H2BC12: variants seen among roughly 807,000 people sequenced by gnomAD.
H2BC12 encodes the protein histone H2B type 1-K.
H2BC12 carries 6 observed loss-of-function variants against 6.3 expected under a neutral mutation model. The ratio of observed to expected loss-of-function variants is 0.95; its 90% confidence interval spans 0.52 to 1.87. The LOEUF is 1.87. Among genes scored for constraint, H2BC12 ranks in the 40% most tolerant of loss-of-function variants. The probability of loss-of-function intolerance (pLI) is 0.01; values close to 1 mark genes in which losing one functional copy is unlikely to be tolerated. For missense variants in H2BC12, 119 were observed against 178.4 expected (o/e 0.67, Z 1.90); for synonymous variants, 132 against 78.5 (o/e 1.68, Z -3.60).
At chr6:27,143,345 G>A (rs1309766749), downstream of H2BC12, among the ~76,000 whole-genome samples, 1 of 149,530 alleles carries the variant, frequency 6.7e-6, no homozygotes, top group Non-Finnish European at 1.5e-5. Flanking sequence ...GAGTAAGACT[G>A]TCTCAAAAAA....
chr6:27,140,291 T>C, the H2BC12 span, among the ~76,000 whole-genome samples: 1 of 152,248 alleles, frequency 6.6e-6, no homozygotes, highest in East Asian at 1.9e-4. Flanking sequence ...CCCTTTTTCC[T>C]ATCTAGAATT....
chr6:27,138,736 T>G, the H2BC12 span: 1 of 152,176 alleles, frequency 6.6e-6, no homozygotes, highest in Admixed American at 6.5e-5. Context: ...ATTCTTAGAC[T>G]TGTTTCTGAG....
Position 27,146,823 on chromosome 6 carries a change from G to A in H2BC12, c.-25C>T, listed in dbSNP as rs376697914. 236 of 1,609,218 alleles carry A rather than the reference G, an allele frequency of 1.5e-4. No homozygotes were observed. The African/African-American group carries it at 2.6e-3, about 18-fold the overall frequency. Reference sequence around the variant, plus strand: ...TGTTGAAGGCGAACTACGAGCCTGAGACGAGCAGCAGATCGAGAAAACGGG... The same window carrying A: ...TGTTGAAGGCGAACTACGAGCCTGAAACGAGCAGCAGATCGAGAAAACGGG... On this transcript the variant is annotated 5_prime_UTR_variant, in exon 1 of 1. Transcript: ENST00000356950.
chr6:27,140,885 TTC>T, the H2BC12 span, among the ~76,000 whole-genome samples: 9 of 151,462 alleles, frequency 5.9e-5, no homozygotes, highest in African/African-American at 1.9e-4. Context: ...GACAAATATA[TTC>T]TGTCACCTTG....
At chr6:27,140,652 T>G in the H2BC12 span, among the ~76,000 whole-genome samples, 48 of 151,900 alleles carry the variant, frequency 3.2e-4, no homozygotes, top group Admixed American at 1.1e-3. Context: ...GGTAGTATTT[T>G]AAATTTATAC....
downstream of H2BC12, among the ~76,000 whole-genome samples, chr6:27,142,977 TG>T (rs1483779198): frequency 1.3e-5 from 2 of 151,848 alleles, no homozygotes. Flanking sequence ...AGTAACAAAC[TG>T]GCTTTCAGAC....
the H2BC12 span, chr6:27,139,432 G>A: frequency 1.2e-6 from 2 of 1,614,216 alleles, no homozygotes; most frequent in Admixed American, 1.7e-5. Flanking sequence ...TGCTCGCCGC[G>A]GCGGCGTGAA....
downstream of H2BC12, among the ~76,000 whole-genome samples, chr6:27,145,423 T>C (rs1285864916): frequency 2.0e-5 from 3 of 152,148 alleles, no homozygotes; most frequent in Non-Finnish European, 4.4e-5. Context: ...GGACTCTTTC[T>C]TTCACTTGGT....
chr6:27,139,678 TTCAACAA>T, the H2BC12 span: 1 of 1,536,688 alleles, frequency 6.5e-7, no homozygotes, highest in Non-Finnish European at 8.7e-7. Context: ...CCCCTAAGCT[TTCAACAA>T]AAGAGTTGAA....
At position 27,146,371 on chromosome 6, in the gene H2BC12, T is replaced by TA; in HGVS notation, c.*46_*47insT. On this transcript the variant is annotated 3_prime_UTR_variant, in exon 1 of 1. Coordinates refer to ENST00000356950, the MANE Select transcript of H2BC12 (RefSeq NM_001312653.2). ...CTAATATCGATAATTTAAGTGGCTCTTAAAAGAGCCTTTGGGGTTGGGCTT... is the reference window on the plus strand; with the variant it reads ...CTAATATCGATAATTTAAGTGGCTCTATAAAAGAGCCTTTGGGGTTGGGCTT... 6.2e-7 allele frequency: 1 copy of TA among 1,612,040 alleles called. No individual in the cohort carries two copies.
At chr6:27,142,359 G>A (rs946732403), downstream of H2BC12, among the ~76,000 whole-genome samples, 1 of 150,506 alleles carries the variant, frequency 6.6e-6, no homozygotes, top group East Asian at 2.0e-4. Flanking sequence ...TGCAACCTCC[G>A]CCTCCCGGGT....
At chr6:27,144,460 TGGGGGG>T (rs59570458), downstream of H2BC12, among the ~76,000 whole-genome samples, 2 of 17,622 alleles carry the variant, frequency 1.1e-4, no homozygotes, top group African/African-American at 3.9e-4. Flanking sequence ...AGACTCTGTC[TGGGGGG>T]GGGGGGGGGG....
At chr6:27,141,813 CGTA>C (rs1304546133), downstream of H2BC12, among the ~76,000 whole-genome samples, 3 of 152,082 alleles carry the variant, frequency 2.0e-5, no homozygotes, top group South Asian at 2.1e-4. Context: ...TAGGAAAAAC[CGTA>C]GTAGGTGGTG....
At chr6:27,139,139 A>G in the H2BC12 span, 1 of 641,254 alleles carries the variant, frequency 1.6e-6, no homozygotes, top group Non-Finnish European at 2.6e-6. Context: ...CTGAAGGAGA[A>G]CAAGAGGGAG....
chr6:27,146,647 G>T lies in H2BC12; in HGVS notation c.152C>A (p.Pro51His). 1 of 1,614,264 alleles carries T rather than the reference G, an allele frequency of 6.2e-7. No homozygotes were observed. Residue 51 changes from proline (P) to histidine (H), a missense_variant, in exon 1 of 1, where the codon CCC (proline) becomes CAC (histidine). Transcript: ENST00000356950. Reference sequence around the variant, plus strand: ...GGCCTTAGAGGAGATGCCGGTGTCGGGGTGGACCTGCTTCAGCACCTTGTA... The same window carrying T: ...GGCCTTAGAGGAGATGCCGGTGTCGTGGTGGACCTGCTTCAGCACCTTGTA... The part of the protein sequence containing the change: ...YVYKVLKQVH[P>H]DTGISSKAMG...
chr6:27,141,713 A>G (rs1418883286), downstream of H2BC12, among the ~76,000 whole-genome samples: 1 of 152,170 alleles, frequency 6.6e-6, no homozygotes, highest in Admixed American at 6.5e-5. Context: ...TTGTGTCTAT[A>G]TAGTTATGTT....
chr6:27,144,252 G>A (rs193080645), downstream of H2BC12, among the ~76,000 whole-genome samples: 3 of 152,054 alleles, frequency 2.0e-5, no homozygotes, highest in East Asian at 5.8e-4. Flanking sequence ...GCCCAAGGTC[G>A]GGAGTTCCAG....
At position 27,146,430 on chromosome 6, in the gene H2BC12, G is replaced by C; in HGVS notation, c.369C>G (p.Thr123=). The part of the protein sequence containing the change: ...SEGTKAVTKY[T]SAK ...TTACTTGGCAAGTTTACTTAGCGCTGGTGTACTTGGTGACGGCCTTGGTGC... is the reference window on the plus strand; with the variant it reads ...TTACTTGGCAAGTTTACTTAGCGCTCGTGTACTTGGTGACGGCCTTGGTGC... The change falls in exon 1 of 1, where the codon ACC becomes ACG. Residue 123 remains threonine (T), a synonymous_variant. Coordinates refer to ENST00000356950, the MANE Select transcript of H2BC12 (RefSeq NM_001312653.2). 6.2e-7 allele frequency: 1 copy of C among 1,614,244 alleles called. No homozygotes were observed. The highest frequency in any genetic ancestry group is 8.5e-7 in the Non-Finnish European group (1 of 1,180,048).
At chr6:27,139,080 G>T in the H2BC12 span, 1 of 464,640 alleles carries the variant, frequency 2.2e-6, no homozygotes, top group Non-Finnish European at 3.8e-6. Flanking sequence ...CAGGAATCAT[G>T]TTAAATGAAA....
Sources: gnomAD v4.1 joint callset for allele counts (sites outside exome capture counted in the v4.1 genomes callset) on GRCh38, gnomAD v4.1.1 for gene constraint, MANE v1.5 for transcripts, NCBI Gene and HGNC (gene_info 2026-07-23, HGNC 2026-07-21) for gene names.